Variants in TMX4 observed in about 807,000 individuals in gnomAD.
TMX4 encodes the protein thioredoxin-related transmembrane protein 4.
A neutral mutation model predicts 33.3 loss-of-function variants in TMX4; 23 were observed. The observed-to-expected ratio is 0.69, with a 90% CI of 0.50 to 0.98. TMX4 has a LOEUF of 0.98. Ranked by LOEUF, TMX4 falls within the 50% of genes least tolerant of loss-of-function variation. The probability of loss-of-function intolerance (pLI) is 0.00; values close to 1 mark genes in which losing one functional copy is unlikely to be tolerated. For synonymous variants in TMX4, 164 were observed against 161.5 expected (o/e 1.02, Z -0.12); for missense variants, 399 against 448.9 (o/e 0.89, Z 1.01).
Position 7,996,530 on chromosome 20 carries a change from T to C in TMX4, c.468-459A>G, listed in dbSNP as rs546199511. Among the ~76,000 whole-genome samples the C allele has an allele frequency of 2.6e-5, 4 of 152,304 alleles. No individual in the cohort carries two copies. In the South Asian group the frequency reaches 8.3e-4, roughly 32 times the overall value. On this transcript the variant is annotated intron_variant, in intron 4 of 7. Transcript: ENST00000246024. ...AACAAGCACTCCTCATATGTCACTG[T>C]GAAATCAGAAGCCACCATGTGCTTT...
chr20:8,006,161 G>GT (rs66854019), intron 2 of TMX4, among the ~76,000 whole-genome samples: 39,738 of 152,050 alleles, frequency 0.26, 6,145 homozygotes, highest in South Asian at 0.42. Context: ...CCGTCTGCAT[G>GT]TCCCCCTAGA....
intron 2 of TMX4, among the ~76,000 whole-genome samples, chr20:8,008,533 A>T (rs6140494): frequency 1.8e-4 from 27 of 151,218 alleles, no homozygotes; most frequent in African/African-American, 6.4e-4. Flanking sequence ...AGGAAAGACT[A>T]TATTTAATTA....
At chr20:7,995,460 T>C (rs1212941075) in intron 5 of TMX4, among the ~76,000 whole-genome samples, 3 of 152,292 alleles carry the variant, frequency 2.0e-5, no homozygotes, top group Non-Finnish European at 2.9e-5. Context: ...CGATCACATA[T>C]AGCAGGGGTC....
intron 5 of TMX4, among the ~76,000 whole-genome samples, chr20:7,991,850 G>A (rs2050656481): frequency 6.6e-6 from 1 of 151,834 alleles, no homozygotes; most frequent in African/African-American, 2.4e-5. Flanking sequence ...AAAAAAATAG[G>A]ATTCAGGGGC....
chr20:8,010,220 A>T lies in TMX4; in HGVS notation c.272T>A (p.Val91Glu). The T allele has an allele frequency of 6.2e-7, 1 of 1,610,694 alleles. No homozygotes were observed. The highest frequency in any genetic ancestry group is 1.7e-4 in the Middle Eastern group (1 of 6,052). The change falls in exon 2 of 8, where the codon GTA (valine) becomes GAA (glutamate). Residue 91 changes from valine (V) to glutamate (E), a missense_variant. By Grantham distance (121) the Val-to-Glu change is moderately radical. Transcript: ENST00000246024. ...AGTACCTGGTTCTTGAATGACATCT[A>T]CCTTCCCCACACTGATCTGAAGTAT... is the stretch of plus-strand genomic sequence containing the variant. ...GEILQISVGK[V>E]DVIQEPGLSG...
chr20:8,019,081 T>C, intron 1 of TMX4: 1 of 474,066 alleles, frequency 2.1e-6, no homozygotes, highest in East Asian at 7.0e-5. Flanking sequence ...TTCCTTCCCT[T>C]CTCCTCCCTA....
chr20:8,019,229 A>C, intron 1 of TMX4: 27 of 547,610 alleles, frequency 4.9e-5, no homozygotes, highest in East Asian at 1.6e-4. Context: ...GGTCGTTGGT[A>C]AGGCGGGTCC....
intron 1 of TMX4, among the ~76,000 whole-genome samples, chr20:8,012,164 A>G (rs1443167268): frequency 6.6e-6 from 1 of 152,158 alleles, no homozygotes; most frequent in Non-Finnish European, 1.5e-5. Flanking sequence ...GATGTTGGAT[A>G]AGAGTTCTGC....
chr20:8,010,363 C>A, intron 1 of TMX4, 48 bp from the exon 2 acceptor site: 3 of 1,226,094 alleles, frequency 2.4e-6, no homozygotes, highest in Non-Finnish European at 3.4e-6. Flanking sequence ...CAGAAGAAAT[C>A]TGCAAAACAG....
rs1384597883 is a variant in TMX4, at chr20:7,981,401, C to T, written c.*850G>A. ...CTTAGAAAACTTAAAAAAAAATCAA[C>T]AACAACTATATTTTGGACAAAACAA... On this transcript the variant is annotated 3_prime_UTR_variant, in exon 8 of 8. Coordinates refer to ENST00000246024, the MANE Select transcript of TMX4 (RefSeq NM_021156.4). 1 of 152,080 alleles carries T rather than the reference C, an allele frequency of 6.6e-6. No homozygotes were observed. The highest frequency in any genetic ancestry group is 2.4e-5 in the African/African-American group (1 of 41,426). The allele number at this position is 152,080 out of a possible 1,614,324, so 9.4% of individuals were successfully genotyped here. A position where few individuals can be genotyped will look rare whatever the true frequency, so the allele number is the denominator to read the frequency against.
At chr20:7,992,254 C>T (rs1416579913) in intron 5 of TMX4, among the ~76,000 whole-genome samples, 2 of 152,172 alleles carry the variant, frequency 1.3e-5, no homozygotes, top group Non-Finnish European at 2.9e-5. Flanking sequence ...GTCCCATCTC[C>T]TAGGCCTCAG....
In TMX4 at chr20:8,019,691, G is replaced by A. The variant is rs952192328; in HGVS notation, c.-78C>T. On this transcript the variant is annotated 5_prime_UTR_variant, in exon 1 of 8. Coordinates refer to ENST00000246024, the MANE Select transcript of TMX4 (RefSeq NM_021156.4). ...CGGCCCGCAGCCTCGCTCGCCCGCC[G>A]GGTTTTTCAAGGAAGCGGGAGACGC... 5.7e-6 allele frequency: 7 copies of A among 1,230,012 alleles called. No homozygotes were observed. The African/African-American group carries it at 9.5e-5, about 17-fold the overall frequency. 76.2% of individuals were successfully genotyped at this position (1,230,012 alleles called of 1,614,324 possible).
Position 7,987,386 on chromosome 20 carries a change from G to A in TMX4, c.517C>T (p.Leu173Phe). The change falls in exon 6 of 8, where the codon CTT (leucine) becomes TTT (phenylalanine). Residue 173 changes from leucine to phenylalanine, a missense_variant. By Grantham distance (22) the Leu-to-Phe change is conservative. Transcript: ENST00000246024. Reference sequence around the variant, plus strand: ...AGAGTCACTGTGAAATAGTTGTGAAGATGCTGGAATCAGAAGAAAAAAAAT... The same window carrying A: ...AGAGTCACTGTGAAATAGTTGTGAAAATGCTGGAATCAGAAGAAAAAAAAT... ...LFSISGKIWHLHNYFTVTLGI... is the reference protein window; with the variant it reads ...LFSISGKIWHFHNYFTVTLGI... 6.4e-7 allele frequency: 1 copy of A among 1,569,596 alleles called. No homozygotes were observed. The highest frequency in any genetic ancestry group is 8.6e-7 in the Non-Finnish European group (1 of 1,167,498).
intron 3 of TMX4, 106 bp from the exon 4 acceptor site, chr20:7,999,966 C>G: frequency 1.7e-6 from 2 of 1,205,592 alleles, no homozygotes; most frequent in Non-Finnish European, 2.3e-6. Context: ...GCCATCTGAA[C>G]TTTAAATTGA....
intron 4 of TMX4, among the ~76,000 whole-genome samples, chr20:7,996,523 G>A (rs886795224): frequency 2.6e-5 from 4 of 152,066 alleles, no homozygotes; most frequent in Non-Finnish European, 5.9e-5. Context: ...CTCCTCATAT[G>A]TCACTGTGAA....
At chr20:8,002,756 T>A (rs1033675615) in intron 2 of TMX4, among the ~76,000 whole-genome samples, 1 of 152,202 alleles carries the variant, frequency 6.6e-6, no homozygotes, top group African/African-American at 2.4e-5. Context: ...ATAAATTAAA[T>A]CCATATTCAA....
chr20:7,996,066 G>C lies in TMX4; in HGVS notation c.473C>G (p.Ser158Cys). ...GWKSPASLTM[S>C]GMAGLFSISG... The stretch of plus-strand genomic sequence containing the variant: ...GATGCTAAAAAGACCAGCCATTCCA[G>C]ACATCCTTAAAAAAAAATAAAGAGA... The change falls in exon 5 of 8, where the codon TCT becomes TGT. Residue 158 changes from serine (S) to cysteine (C), a missense_variant. By Grantham distance (112) the Ser-to-Cys change is moderately radical. Transcript: ENST00000246024. 6.2e-7 allele frequency: 1 copy of C among 1,608,544 alleles called. No individual in the cohort carries two copies.
At chr20:7,997,275 A>G (rs917748212) in intron 4 of TMX4, among the ~76,000 whole-genome samples, 1 of 151,956 alleles carries the variant, frequency 6.6e-6, no homozygotes, top group Non-Finnish European at 1.5e-5. Context: ...TGAATTCTTC[A>G]TGGGGACCCA....
rs1555779552 is a variant in TMX4, at chr20:8,018,529, T to TTTCC, written c.176+908_176+909insGGAA. Among the ~76,000 whole-genome samples, 2 of 40,228 alleles carry TTTCC rather than the reference T, an allele frequency of 5.0e-5. 1 individual carries two copies. Among genetic ancestry groups the TTTCC allele is most frequent in the Admixed American group, 5.3e-4 (2 of 3,796 alleles). The allele number at this position is 40,228 out of a possible 152,430, so 26.4% of individuals were successfully genotyped here. A position where few individuals can be genotyped will look rare whatever the true frequency, so the allele number is the denominator to read the frequency against. ...GAGAGAGAGAGAGAGAGAGAGAGAGTCTGCAAGCCCACCATGATGGTCTCT... is the reference window on the plus strand; with the variant it reads ...GAGAGAGAGAGAGAGAGAGAGAGAGTTTCCCTGCAAGCCCACCATGATGGTCTCT... On this transcript the variant is annotated intron_variant, in intron 1 of 7. Coordinates refer to ENST00000246024, the MANE Select transcript of TMX4 (RefSeq NM_021156.4).
Sources: allele counts gnomAD v4.1 joint callset (sites outside exome capture counted in the v4.1 genomes callset), GRCh38; gene constraint gnomAD v4.1.1; transcripts MANE v1.5; gene names NCBI Gene and HGNC (gene_info 2026-07-23, HGNC 2026-07-21).